Variants in GABBR2 observed in about 807,000 individuals in gnomAD.
The protein encoded by GABBR2 is gamma-aminobutyric acid type B receptor subunit 2, also known as G-protein coupled receptor 51.
A neutral mutation model predicts 105.6 loss-of-function variants in GABBR2; 23 were observed. That is an observed-to-expected ratio of 0.22 (90% CI 0.16 to 0.31). The LOEUF (loss-of-function observed/expected upper bound fraction) is 0.31. Ranked by LOEUF, GABBR2 falls within the 10% of genes least tolerant of loss-of-function variation. The probability of loss-of-function intolerance (pLI) is 1.00; values close to 1 mark genes in which losing one functional copy is unlikely to be tolerated. For synonymous variants in GABBR2, 478 were observed against 499.7 expected, an observed-to-expected ratio of 0.96 and a Z score of 0.58; for missense variants, 734 against 1,245.5, an observed-to-expected ratio of 0.59 and a Z score of 6.18.
chr9:98,348,293 T>C (rs960823496), intron 13 of GABBR2, among the ~76,000 whole-genome samples: 1 of 152,256 alleles, frequency 6.6e-6, no homozygotes, highest in African/African-American at 2.4e-5. Context: ...CGTTGGTCTA[T>C]GGTCTGTTTT....
chr9:98,594,449 C>T (rs575314104), intron 1 of GABBR2, among the ~76,000 whole-genome samples: 18 of 152,138 alleles, frequency 1.2e-4, no homozygotes, highest in African/African-American at 3.6e-4. Flanking sequence ...CCTTGCTAGA[C>T]GGACAGACCA....
intron 13 of GABBR2, among the ~76,000 whole-genome samples, chr9:98,336,388 A>C (rs1240147029): frequency 6.6e-6 from 1 of 152,238 alleles, no homozygotes; most frequent in Admixed American, 6.5e-5. Flanking sequence ...TAAGTGCAAA[A>C]TAGTAAGATA....
chr9:98,305,040 T>C (rs1239035581), intron 15 of GABBR2, among the ~76,000 whole-genome samples: 1 of 152,104 alleles, frequency 6.6e-6, no homozygotes, highest in African/African-American at 2.4e-5. Context: ...CCCAAAGTGC[T>C]GGGATTACAG....
intron 1 of GABBR2, among the ~76,000 whole-genome samples, chr9:98,636,978 G>A (rs890195389): frequency 2.0e-5 from 3 of 152,088 alleles, no homozygotes; most frequent in Admixed American, 6.5e-5. Flanking sequence ...ATTCTTGAGG[G>A]GAGGAACGTT....
At chr9:98,362,548 C>G (rs1414557670) in intron 13 of GABBR2, 167 bp downstream of exon 13, 1 of 415,472 alleles carries the variant, frequency 2.4e-6, no homozygotes, top group African/African-American at 2.0e-5. Flanking sequence ...TTCACAACAC[C>G]TTATATTTGG....
chr9:98,480,948 G>A lies in GABBR2; in HGVS notation c.782C>T (p.Ala261Val). 2 of 1,598,480 alleles carry A rather than the reference G, an allele frequency of 1.3e-6. No homozygotes were observed. Among genetic ancestry groups the A allele is most frequent in the South Asian group, 2.2e-5 (2 of 90,786 alleles). The change falls in exon 5 of 19, where the codon GCA becomes GTA. Residue 261 changes from alanine (A) to valine (V), a missense_variant. Physicochemically the swap from Ala to Val is moderately conservative, Grantham distance 64. This residue lies in a region of GABBR2 where 370 missense variants were observed against 648.9 expected (regional missense o/e 0.57). Coordinates refer to ENST00000259455, the MANE Select transcript of GABBR2 (RefSeq NM_005458.8). ...ILGQFDQNMA[A>V]KVFCCAYEEN... ...TTTACTTACACAACAGAACACTTTT[G>A]CTGCCATATTCTGGTCAAACTGGCC...
intron 14 of GABBR2, 141 bp downstream of exon 14, chr9:98,310,954 T>C (rs907873946): frequency 3.4e-5 from 20 of 587,140 alleles, no homozygotes; most frequent in East Asian, 2.3e-4. Context: ...TGAGATAGCA[T>C]GTGGCAGGCA....
intron 11 of GABBR2, among the ~76,000 whole-genome samples, chr9:98,376,670 AAG>A (rs1831879347): frequency 6.6e-6 from 1 of 152,140 alleles, no homozygotes; most frequent in Non-Finnish European, 1.5e-5. Flanking sequence ...TAAGACTCTG[AAG>A]AGCAGCCTCT....
chr9:98,675,451 C>T (rs1485626944), intron 1 of GABBR2, among the ~76,000 whole-genome samples: 1 of 152,138 alleles, frequency 6.6e-6, no homozygotes, highest in Non-Finnish European at 1.5e-5. Flanking sequence ...TCAGCGGACA[C>T]AGGGGAGGGC....
chr9:98,480,789 C>A, intron 5 of GABBR2, 143 bp downstream of exon 5: 1 of 641,952 alleles, frequency 1.6e-6, no homozygotes, highest in Admixed American at 2.2e-5. Context: ...GAGGAAAGAA[C>A]AGTGAACGCA....
chr9:98,443,526 T>C (rs1037463075), intron 7 of GABBR2, among the ~76,000 whole-genome samples: 6 of 152,208 alleles, frequency 3.9e-5, no homozygotes, highest in African/African-American at 1.4e-4. Flanking sequence ...AAGCAACGCC[T>C]AACAGCACAA....
chr9:98,420,134 T>C (rs374858171), intron 7 of GABBR2, among the ~76,000 whole-genome samples: 1 of 152,000 alleles, frequency 6.6e-6, no homozygotes, highest in African/African-American at 2.4e-5. Context: ...GGGCAAAAAG[T>C]GTTCTTGAAC....
At chr9:98,327,998 C>T (rs774274694) in intron 13 of GABBR2, among the ~76,000 whole-genome samples, 39 of 103,482 alleles carry the variant, frequency 3.8e-4, no homozygotes, top group Non-Finnish European at 7.6e-4. Context: ...ACCGTATGAT[C>T]TTCCATTCCC....
At chr9:98,335,381 G>A (rs763920330) in intron 13 of GABBR2, among the ~76,000 whole-genome samples, 6 of 152,044 alleles carry the variant, frequency 3.9e-5, no homozygotes, top group Admixed American at 6.6e-5. Context: ...CTTTCTAGTC[G>A]TAAAAATTTA....
At chr9:98,376,552 C>G (rs1831877025) in intron 11 of GABBR2, among the ~76,000 whole-genome samples, 1 of 145,420 alleles carries the variant, frequency 6.9e-6, no homozygotes, top group Non-Finnish European at 1.5e-5. Flanking sequence ...CGCCCCAAAG[C>G]AAGCCCCAGA....
intron 1 of GABBR2, among the ~76,000 whole-genome samples, chr9:98,642,548 G>C (rs541501141): frequency 6.6e-6 from 1 of 152,292 alleles, no homozygotes; most frequent in East Asian, 1.9e-4. Flanking sequence ...GTCTAACCTA[G>C]CTTTCTTTCT....
chr9:98,396,320 C>A (rs76604708), intron 8 of GABBR2, among the ~76,000 whole-genome samples: 1 of 152,230 alleles, frequency 6.6e-6, no homozygotes, highest in African/African-American at 2.4e-5. Context: ...TTCCAAGGCA[C>A]ACCCTGAGGA....
At chr9:98,673,896 G>A (rs1306665308) in intron 1 of GABBR2, among the ~76,000 whole-genome samples, 2 of 152,156 alleles carry the variant, frequency 1.3e-5, no homozygotes, top group South Asian at 2.1e-4. Context: ...TGTTGAGGAG[G>A]AGATAAATGA....
At chr9:98,343,889 A>C (rs79206093) in intron 13 of GABBR2, among the ~76,000 whole-genome samples, 1 of 152,076 alleles carries the variant, frequency 6.6e-6, no homozygotes, top group Non-Finnish European at 1.5e-5. Context: ...AAAAAATCCC[A>C]TATGGAGGTG....
Sources: gnomAD v4.1 joint callset for allele counts (sites outside exome capture counted in the v4.1 genomes callset) on GRCh38, gnomAD v4.1.1 for gene constraint, gnomAD v4.1.1 regional missense constraint, MANE v1.5 for transcripts, NCBI Gene and HGNC (gene_info 2026-07-23, HGNC 2026-07-21) for gene names.